The following NEDD4L variants were observed in gnomAD, a reference collection of about 807,000 sequenced individuals.
NEDD4L encodes the protein E3 ubiquitin-protein ligase NEDD4-like.
NEDD4L carries 54 observed loss-of-function variants against 148.9 expected under a neutral mutation model. The observed-to-expected ratio is 0.36, with a 90% confidence interval of 0.29 to 0.45. The LOEUF is 0.45. NEDD4L is among the 20% of genes least tolerant of loss of function. The pLI, the probability that NEDD4L is intolerant of heterozygous loss-of-function variation, is 1.00. For missense variants in NEDD4L, 856 were observed against 1,233.8 expected, an observed-to-expected ratio of 0.69 and a Z score of 4.59; for synonymous variants, 433 against 440.7, an observed-to-expected ratio of 0.98 and a Z score of 0.22.
intron 5 of NEDD4L, among the ~76,000 whole-genome samples, chr18:58,266,597 A>C (rs1439448379): frequency 6.6e-6 from 1 of 152,150 alleles, no homozygotes; most frequent in African/African-American, 2.4e-5. Flanking sequence ...TAGGTGAATC[A>C]CACAAACGGA....
chr18:58,239,028 A>G (rs1480498622), intron 2 of NEDD4L, among the ~76,000 whole-genome samples: 1 of 152,222 alleles, frequency 6.6e-6, no homozygotes, highest in African/African-American at 2.4e-5. Context: ...GTAACACTTG[A>G]TGGTAACAGT....
chr18:58,287,807 G>A (rs1314016916), intron 5 of NEDD4L, among the ~76,000 whole-genome samples: 1 of 152,112 alleles, frequency 6.6e-6, no homozygotes, highest in Non-Finnish European at 1.5e-5. Context: ...GAGCCTGTGT[G>A]TTTTGCTTGG....
chr18:58,325,302 C>G (rs961563652), intron 9 of NEDD4L, 140 bp downstream of exon 9: 4 of 984,148 alleles, frequency 4.1e-6, no homozygotes, highest in Non-Finnish European at 5.9e-6. Context: ...AGATTCCTCT[C>G]CATTTACGTA....
chr18:58,120,565 G>A (rs965072425), intron 1 of NEDD4L, among the ~76,000 whole-genome samples: 1 of 152,064 alleles, frequency 6.6e-6, no homozygotes, highest in African/African-American at 2.4e-5. Flanking sequence ...GGATCACGAG[G>A]TCAGGAGATC....
intron 5 of NEDD4L, among the ~76,000 whole-genome samples, chr18:58,271,669 G>A (rs1460623987): frequency 1.3e-5 from 2 of 152,118 alleles, no homozygotes; most frequent in Non-Finnish European, 2.9e-5. Flanking sequence ...AAGGTGTATG[G>A]TTGATTGTGG....
intron 2 of NEDD4L, among the ~76,000 whole-genome samples, chr18:58,231,049 A>G (rs979188289): frequency 3.9e-5 from 6 of 151,960 alleles, no homozygotes; most frequent in Non-Finnish European, 7.4e-5. Context: ...GGAGTTTGCA[A>G]CCAGCCTGGG....
intron 6 of NEDD4L, among the ~76,000 whole-genome samples, chr18:58,321,830 T>C (rs1448449183): frequency 6.6e-6 from 1 of 152,178 alleles, no homozygotes; most frequent in East Asian, 1.9e-4. Context: ...CACAATGAAC[T>C]TCACACAATC....
intron 1 of NEDD4L, among the ~76,000 whole-genome samples, chr18:58,088,914 A>G (rs1032055563): frequency 5.9e-5 from 9 of 152,124 alleles, no homozygotes; most frequent in African/African-American, 2.4e-5. Flanking sequence ...AACTCAACAA[A>G]TATTTATTGA....
chr18:58,302,590 C>A (rs1156482022), intron 5 of NEDD4L, among the ~76,000 whole-genome samples: 1 of 152,230 alleles, frequency 6.6e-6, no homozygotes, highest in Non-Finnish European at 1.5e-5. Context: ...CACTACTACT[C>A]CTATTTCTCA....
intron 1 of NEDD4L, among the ~76,000 whole-genome samples, chr18:58,052,091 T>C (rs1330277606): frequency 6.6e-6 from 1 of 152,214 alleles, no homozygotes; most frequent in Non-Finnish European, 1.5e-5. Context: ...TTTAGAAAAC[T>C]AGAAACTAGA....
chr18:58,326,959 C>T (rs1412155263), intron 9 of NEDD4L, among the ~76,000 whole-genome samples: 1 of 152,124 alleles, frequency 6.6e-6, no homozygotes, highest in African/African-American at 2.4e-5. Context: ...GTACGTTAAA[C>T]ATGAACAGCT....
At chr18:58,309,615 T>A (rs951546646) in intron 5 of NEDD4L, among the ~76,000 whole-genome samples, 2 of 151,668 alleles carry the variant, frequency 1.3e-5, no homozygotes, top group Non-Finnish European at 1.5e-5. Context: ...CACCTGGGCA[T>A]CTAGTTGGCA....
intron 2 of NEDD4L, among the ~76,000 whole-genome samples, chr18:58,223,410 C>T (rs1296959336): frequency 2.0e-5 from 3 of 151,978 alleles, no homozygotes; most frequent in Non-Finnish European, 4.4e-5. Flanking sequence ...AAGTTTTATT[C>T]CAAAGTGGTT....
At chr18:58,207,071 T>C (rs918135055) in intron 2 of NEDD4L, among the ~76,000 whole-genome samples, 5 of 152,202 alleles carry the variant, frequency 3.3e-5, no homozygotes, top group African/African-American at 1.2e-4. Context: ...AGCATACGGT[T>C]GTTTGCCAAG....
intron 19 of NEDD4L, among the ~76,000 whole-genome samples, chr18:58,360,328 A>G (rs1001448722): frequency 1.3e-5 from 2 of 152,140 alleles, no homozygotes; most frequent in Admixed American, 6.5e-5. Context: ...TGTAACTCCT[A>G]TTGGACATTT....
chr18:58,215,935 CA>C (rs958158094), intron 2 of NEDD4L, among the ~76,000 whole-genome samples: 3 of 150,688 alleles, frequency 2.0e-5, no homozygotes, highest in African/African-American at 7.3e-5. Flanking sequence ...TCCAGTTTTT[CA>C]TTTAAGAGAG....
chr18:58,121,752 G>A (rs565974947), intron 1 of NEDD4L, among the ~76,000 whole-genome samples: 7 of 152,270 alleles, frequency 4.6e-5, no homozygotes, highest in South Asian at 4.1e-4. Context: ...GATTTGTAAT[G>A]TATTTTAAAA....
intron 9 of NEDD4L, among the ~76,000 whole-genome samples, chr18:58,325,963 A>G (rs2059273341): frequency 6.6e-6 from 1 of 152,240 alleles, no homozygotes; most frequent in African/African-American, 2.4e-5. Flanking sequence ...AGCAGCCAAG[A>G]CAAGGAGGAA....
intron 22 of NEDD4L, among the ~76,000 whole-genome samples, chr18:58,368,988 T>C (rs929049199): frequency 1.3e-5 from 2 of 152,182 alleles, no homozygotes; most frequent in Admixed American, 1.3e-4. Context: ...TAATACCCTC[T>C]CTAACAGGGG....
Sources: allele counts gnomAD v4.1 joint callset (sites outside exome capture counted in the v4.1 genomes callset), GRCh38; gene constraint gnomAD v4.1.1; transcripts MANE v1.5; gene names NCBI Gene and HGNC (gene_info 2026-07-23, HGNC 2026-07-21).